The following CHD4 variants were observed in gnomAD, a reference collection of about 807,000 sequenced individuals.
CHD4 encodes ATP-dependent chromatin remodeler CHD4.
CHD4 carries 35 observed loss-of-function variants against 235.5 expected under a neutral mutation model. The observed-to-expected ratio is 0.15, with a 90% CI of 0.11 to 0.20. CHD4 has a LOEUF of 0.20. CHD4 is among the 10% of genes least tolerant of loss of function. The pLI, the probability that CHD4 is intolerant of heterozygous loss-of-function variation, is 1.00. For synonymous variants in CHD4, 900 were observed against 850.2 expected, an observed-to-expected ratio of 1.06 and a Z score of -1.02; for missense variants, 1,329 against 2,432.3, an observed-to-expected ratio of 0.55 and a Z score of 9.54.
At chr12:6,575,379 C>T (rs539189249) in intron 37 of CHD4, among the ~76,000 whole-genome samples, 1 of 145,530 alleles carries the variant, frequency 6.9e-6, no homozygotes, top group South Asian at 2.1e-4. Context: ...AGCCAGGAGG[C>T]AGAGGGTGCA....
chr12:6,590,165 TC>T (rs1351476034), intron 22 of CHD4: 1 of 151,926 alleles, frequency 6.6e-6, no homozygotes, highest in African/African-American at 2.4e-5. Flanking sequence ...GCCACTGCAC[TC>T]CAATCTGGGC....
At chr12:6,582,991 C>T in intron 27 of CHD4, 36 bp downstream of exon 27, 1 of 1,593,024 alleles carries the variant, frequency 6.3e-7, no homozygotes, top group Non-Finnish European at 8.5e-7. Context: ...AACAAAGCAA[C>T]ATTTAGAAAA....
intron 38 of CHD4, among the ~76,000 whole-genome samples, chr12:6,572,427 G>GAA (rs553252360): frequency 6.1e-5 from 6 of 97,594 alleles, no homozygotes; most frequent in Admixed American, 1.2e-4. Context: ...CTCTATCTCA[G>GAA]AAAAAAAAAA....
chr12:6,579,609 C>T (rs988087586), intron 33 of CHD4: 1 of 145,704 alleles, frequency 6.9e-6, no homozygotes, highest in Admixed American at 6.9e-5. Context: ...AAAACAACAA[C>T]AAAAAAAACA....
intron 22 of CHD4, among the ~76,000 whole-genome samples, chr12:6,588,779 CAA>C (rs779193138): frequency 2.3e-5 from 3 of 130,346 alleles, no homozygotes; most frequent in African/African-American, 2.9e-5. Flanking sequence ...AACTCCATCT[CAA>C]AAAAAAAAAA....
chr12:6,601,855 G>C (rs1948597271), intron 4 of CHD4, 89 bp from the exon 5 acceptor site: 3 of 1,561,832 alleles, frequency 1.9e-6, no homozygotes, highest in African/African-American at 2.7e-5. Flanking sequence ...GAGTAACAGA[G>C]TTAAGAGGAA....
intron 14 of CHD4, 67 bp downstream of exon 14, chr12:6,595,267 T>C (rs191104299): frequency 9.1e-6 from 12 of 1,323,858 alleles, no homozygotes; most frequent in Non-Finnish European, 1.2e-5. Context: ...AAGAGTACCA[T>C]CATTAGACTG....
Position 6,570,397 on chromosome 12 carries a change from G to GT in CHD4, c.*278dup, listed in dbSNP as rs1592254220. On this transcript the variant is annotated 3_prime_UTR_variant, in exon 40 of 40. Transcript: ENST00000544040. ...GGCAGGAACCCACAACAGTTTGTGT[G>GT]TAACAGGCGTTACAGTGGGGAGAAG... is the stretch of plus-strand genomic sequence containing the variant. The GT allele has an allele frequency of 2.0e-6, 1 of 496,366 alleles. No individual in the cohort carries two copies. Among genetic ancestry groups the GT allele is most frequent in the Non-Finnish European group, 3.6e-6 (1 of 279,042 alleles). 30.7% of individuals were successfully genotyped at this position (496,366 alleles called of 1,614,324 possible).
chr12:6,601,446 G>A lies in CHD4; in HGVS notation c.642C>T (p.Thr214=). 1 of 1,614,128 alleles carries A rather than the reference G, an allele frequency of 6.2e-7. No homozygotes were observed. The highest frequency in any genetic ancestry group is 8.5e-7 in the Non-Finnish European group (1 of 1,180,030). ...VLGAKWREFS[T]NNPFKGSSGA... ...CAGAACTGCCTTTGAAGGGGTTATT[G>A]GTACTGAACTCCCGCCATTTTGCAC... is the stretch of plus-strand genomic sequence containing the variant. Residue 214 remains threonine, a synonymous_variant, in exon 6 of 40, where the codon ACC becomes ACT. Transcript: ENST00000544040.
intron 12 of CHD4, among the ~76,000 whole-genome samples, chr12:6,596,454 A>C (rs1948497782): frequency 6.6e-6 from 1 of 150,986 alleles, no homozygotes; most frequent in Admixed American, 6.6e-5. Flanking sequence ...GCTCAAGACC[A>C]GCCAGGCCAA....
chr12:6,572,185 T>C (rs1321830165), intron 38 of CHD4, among the ~76,000 whole-genome samples: 2 of 150,326 alleles, frequency 1.3e-5, no homozygotes, highest in African/African-American at 4.9e-5. Context: ...TCCCAGCACT[T>C]TGGGAGGCGG....
At chr12:6,576,023 T>C (rs1948064441) in intron 37 of CHD4, among the ~76,000 whole-genome samples, 1 of 151,752 alleles carries the variant, frequency 6.6e-6, no homozygotes, top group Admixed American at 6.6e-5. Context: ...GTGAGTTCCG[T>C]CCCTACTCCA....
intron 36 of CHD4, 43 bp from the exon 37 acceptor site, chr12:6,577,960 G>C: frequency 6.2e-7 from 1 of 1,612,424 alleles, no homozygotes; most frequent in Non-Finnish European, 8.5e-7. Flanking sequence ...AGGAAAGTAA[G>C]AACCTCAAAC....
At chr12:6,576,360 AAAAAC>A (rs1229802686) in intron 37 of CHD4, among the ~76,000 whole-genome samples, 1 of 152,160 alleles carries the variant, frequency 6.6e-6, no homozygotes, top group Non-Finnish European at 1.5e-5. Context: ...TGTCTCAGGA[AAAAAC>A]AAAACAAAAC....
chr12:6,593,311 T>A lies in CHD4; in HGVS notation c.2515-83A>T. The A allele has an allele frequency of 6.2e-7, 1 of 1,602,934 alleles. No individual in the cohort carries two copies. The highest frequency in any genetic ancestry group is 8.5e-7 in the Non-Finnish European group (1 of 1,171,408). Reference sequence around the variant, plus strand: ...GGAGACTGATGGAATGTTTTCCTCCTCCCAGGGTTACCCTTTTGCCTCACC... The same window carrying A: ...GGAGACTGATGGAATGTTTTCCTCCACCCAGGGTTACCCTTTTGCCTCACC... On this transcript the variant is annotated intron_variant, in intron 16 of 39. Transcript: ENST00000544040. The surrounding 1 kb of genome is among the most constrained non-coding windows in gnomAD (Gnocchi z 4.9).
At position 6,579,141 on chromosome 12, in the gene CHD4, C is replaced by G. The variant is rs1351686699; in HGVS notation, c.4910-224G>C. 8.3e-6 allele frequency: 4 copies of G among 481,888 alleles called. No homozygotes were observed. The East Asian group carries it at 1.4e-4, about 17-fold the overall frequency. 29.9% of individuals were successfully genotyped at this position (481,888 alleles called of 1,614,324 possible). The stretch of plus-strand genomic sequence containing the variant: ...ACCAGCCTGGCCAACAAGGTGAACC[C>G]CAATCTCTATTAAAAATACAAAAAT... On this transcript the variant is annotated intron_variant, in intron 33 of 39. Transcript: ENST00000544040.
intron 12 of CHD4, among the ~76,000 whole-genome samples, chr12:6,597,591 CCT>C (rs1357146804): frequency 6.6e-6 from 1 of 152,086 alleles, no homozygotes; most frequent in African/African-American, 2.4e-5. Context: ...GAATGAAAAC[CCT>C]GTCTCTACTA....
Position 6,591,562 on chromosome 12 carries a change from G to A in CHD4, c.3244C>T (p.Leu1082=). Residue 1082 remains leucine (L), a synonymous_variant, in exon 22 of 40, where the codon CTA becomes TTA. Transcript: ENST00000544040. ...CCTTCATGTTCCAAGAAATCCTCTAGCAGGTCTAGCATCTTGGTCATCTGC... is the reference window on the plus strand; with the variant it reads ...CCTTCATGTTCCAAGAAATCCTCTAACAGGTCTAGCATCTTGGTCATCTGC... ...FSQMTKMLDL[L]EDFLEHEGYK... 6.2e-7 allele frequency: 1 copy of A among 1,614,130 alleles called. No homozygotes were observed. The highest frequency in any genetic ancestry group is 1.3e-5 in the African/African-American group (1 of 75,036).
chr12:6,595,054 G>A (rs191027722), intron 14 of CHD4, among the ~76,000 whole-genome samples: 25 of 152,040 alleles, frequency 1.6e-4, no homozygotes, highest in African/African-American at 6.0e-4. Flanking sequence ...TCCTATGTAA[G>A]TGCATAAAAG....
Sources: allele counts gnomAD v4.1 joint callset (sites outside exome capture counted in the v4.1 genomes callset), GRCh38; gene constraint gnomAD v4.1.1; non-coding constraint Gnocchi (gnomAD v3.1); transcripts MANE v1.5; gene names NCBI Gene and HGNC (gene_info 2026-07-23, HGNC 2026-07-21).